RASGRF2: variants seen among roughly 807,000 people sequenced by gnomAD.
RASGRF2 encodes the protein Ras protein specific guanine nucleotide releasing factor 2, also known as ras-specific guanine nucleotide-releasing factor 2.
In RASGRF2, 76 loss-of-function variants were observed where a neutral mutation model predicts 151.0. That is an observed-to-expected ratio of 0.50 (90% CI 0.42 to 0.61). The LOEUF (loss-of-function observed/expected upper bound fraction) is 0.61, where lower values mean the gene tolerates loss of function less well. Ranked by LOEUF, RASGRF2 falls within the 20% of genes least tolerant of loss-of-function variation. The probability of loss-of-function intolerance (pLI) is 0.00; values close to 1 mark genes in which losing one functional copy is unlikely to be tolerated. For missense variants in RASGRF2, 1,148 were observed against 1,564.6 expected (o/e 0.73, Z 4.49); for synonymous variants, 504 against 566.5 (o/e 0.89, Z 1.57).
At chr5:81,040,630 A>G (rs958015098) in intron 1 of RASGRF2, among the ~76,000 whole-genome samples, 4 of 149,962 alleles carry the variant, frequency 2.7e-5, no homozygotes, top group Non-Finnish European at 6.0e-5. Context: ...GGCCAAGACC[A>G]TGGGGGCCAA....
chr5:81,210,616 T>G (rs534528418), intron 22 of RASGRF2, among the ~76,000 whole-genome samples: 3 of 152,302 alleles, frequency 2.0e-5, no homozygotes, highest in South Asian at 4.1e-4. Context: ...CTGCATGCAG[T>G]GGCACAGGAA....
chr5:81,216,386 AAC>A (rs1364869545), intron 24 of RASGRF2, among the ~76,000 whole-genome samples: 2 of 114,114 alleles, frequency 1.8e-5, no homozygotes, highest in Non-Finnish European at 3.7e-5. Context: ...CACACACACA[AAC>A]ACACACACAC....
At position 81,107,504 on chromosome 5, in the gene RASGRF2, C is replaced by T. The variant is rs549738260; in HGVS notation, c.1756-1492C>T. Among the ~76,000 whole-genome samples the T allele has an allele frequency of 2.9e-3, 444 of 152,292 alleles. 1 individual carries two copies. The highest frequency in any genetic ancestry group is 4.8e-3 in the Non-Finnish European group (326 of 68,030). ...TGACTTTCTACTAAACTGTGAATTT[C>T]GTAGCTAACACTGAGTCCCTCTTTG... On this transcript the variant is annotated intron_variant, in intron 12 of 26. Transcript: ENST00000265080.
chr5:81,133,772 T>A (rs1221371915), intron 17 of RASGRF2, among the ~76,000 whole-genome samples: 1 of 152,186 alleles, frequency 6.6e-6, no homozygotes, highest in African/African-American at 2.4e-5. Flanking sequence ...ATAGGAAAAT[T>A]AATGACACTG....
At chr5:80,964,768 G>A (rs990371384) in intron 1 of RASGRF2, among the ~76,000 whole-genome samples, 3 of 152,028 alleles carry the variant, frequency 2.0e-5, no homozygotes, top group Non-Finnish European at 2.9e-5. Context: ...AAAGAAAAAC[G>A]GGATTTATTT....
intron 17 of RASGRF2, among the ~76,000 whole-genome samples, chr5:81,154,105 A>G (rs1446011793): frequency 1.3e-5 from 2 of 152,234 alleles, no homozygotes; most frequent in Non-Finnish European, 2.9e-5. Flanking sequence ...CATTTCAGCA[A>G]TAATAATTGT....
chr5:81,061,241 T>G (rs138342564), intron 2 of RASGRF2, among the ~76,000 whole-genome samples: 1 of 152,320 alleles, frequency 6.6e-6, no homozygotes, highest in East Asian at 1.9e-4. Flanking sequence ...TTTTAATGAA[T>G]GAACATTTTG....
chr5:81,135,836 A>G (rs1369059362), intron 17 of RASGRF2, among the ~76,000 whole-genome samples: 6 of 152,204 alleles, frequency 3.9e-5, no homozygotes, highest in Non-Finnish European at 1.5e-5. Context: ...GATTATGTTT[A>G]ACTGCTTAAT....
At chr5:81,205,456 G>C (rs1378429816) in intron 19 of RASGRF2, among the ~76,000 whole-genome samples, 1 of 152,234 alleles carries the variant, frequency 6.6e-6, no homozygotes, top group African/African-American at 2.4e-5. Flanking sequence ...TCCCTTGGAA[G>C]GGATCTGTTA....
At position 81,228,055 on chromosome 5, in the gene RASGRF2, G is replaced by A. The variant is rs934808694; in HGVS notation, c.*2285G>A. On this transcript the variant is annotated 3_prime_UTR_variant, in exon 27 of 27. Coordinates refer to ENST00000265080, the MANE Select transcript of RASGRF2 (RefSeq NM_006909.3). ...GAACTGCCCCGCACTGGTCATATTA[G>A]GCACTGTCAATTGCTATGCTGACTT... is the stretch of plus-strand genomic sequence containing the variant. 2.6e-4 allele frequency: 40 copies of A among 152,156 alleles called. No homozygotes were observed. The highest frequency in any genetic ancestry group is 2.9e-5 in the Non-Finnish European group (2 of 68,058). 9.4% of individuals were successfully genotyped at this position (152,156 alleles called of 1,614,324 possible).
At chr5:81,133,636 G>A (rs547543795) in intron 17 of RASGRF2, among the ~76,000 whole-genome samples, 10 of 152,294 alleles carry the variant, frequency 6.6e-5, no homozygotes, top group African/African-American at 2.4e-4. Flanking sequence ...ATTTTTATGA[G>A]AGTAGAAATC....
At chr5:81,003,542 A>G (rs1376011005) in intron 1 of RASGRF2, among the ~76,000 whole-genome samples, 1 of 152,014 alleles carries the variant, frequency 6.6e-6, no homozygotes, top group Admixed American at 6.5e-5. Flanking sequence ...TTGTATTTTT[A>G]GTAGAGATGG....
chr5:81,100,844 A>G (rs1022485979), intron 12 of RASGRF2, among the ~76,000 whole-genome samples: 24 of 152,236 alleles, frequency 1.6e-4, no homozygotes, highest in Admixed American at 6.5e-4. Flanking sequence ...TAAAAAGGTG[A>G]ATTAAAAAAA....
chr5:81,082,333 G>T (rs1225837740), intron 7 of RASGRF2, among the ~76,000 whole-genome samples: 2 of 151,982 alleles, frequency 1.3e-5, no homozygotes, highest in Non-Finnish European at 2.9e-5. Context: ...TAAAATGCTG[G>T]GATACTCTCC....
At chr5:81,225,645 A>G (rs879167652) in intron 26 of RASGRF2, 33 bp from the exon 27 acceptor site, 1 of 1,608,818 alleles carries the variant, frequency 6.2e-7, no homozygotes, top group Non-Finnish European at 8.5e-7. Flanking sequence ...TGTCTGAAAG[A>G]GGTAAAAGCT....
chr5:81,192,020 G>A (rs969768304), intron 18 of RASGRF2, among the ~76,000 whole-genome samples: 1 of 152,110 alleles, frequency 6.6e-6, no homozygotes, highest in Non-Finnish European at 1.5e-5. Context: ...CTTCACATCT[G>A]CTAAACTAAT....
chr5:81,208,301 C>A, intron 21 of RASGRF2, 53 bp from the exon 22 acceptor site: 1 of 1,457,272 alleles, frequency 6.9e-7, no homozygotes, highest in Non-Finnish European at 9.6e-7. Flanking sequence ...AGGATCATAG[C>A]CACCATATTT....
chr5:81,224,916 TG>T (rs1755938242), intron 26 of RASGRF2, among the ~76,000 whole-genome samples: 1 of 152,230 alleles, frequency 6.6e-6, no homozygotes, highest in Admixed American at 6.5e-5. Flanking sequence ...AAGGAACTTT[TG>T]GGGATGCTGA....
At chr5:81,179,759 T>C (rs1401401287) in intron 17 of RASGRF2, among the ~76,000 whole-genome samples, 1 of 152,182 alleles carries the variant, frequency 6.6e-6, no homozygotes, top group East Asian at 1.9e-4. Context: ...AGCCAAGATA[T>C]GGCCTAATTC....
Sources: allele counts gnomAD v4.1 joint callset (sites outside exome capture counted in the v4.1 genomes callset), GRCh38; gene constraint gnomAD v4.1.1; transcripts MANE v1.5; gene names NCBI Gene and HGNC (gene_info 2026-07-23, HGNC 2026-07-21).